PRKN: variants seen among roughly 807,000 people sequenced by gnomAD.
The protein encoded by PRKN is E3 ubiquitin-protein ligase parkin.
In PRKN, 56 loss-of-function variants were observed where a neutral mutation model predicts 59.5. The ratio of observed to expected loss-of-function variants is 0.94; its 90% CI spans 0.76 to 1.18. The LOEUF (loss-of-function observed/expected upper bound fraction) is 1.18, where lower values mean the gene tolerates loss of function less well. PRKN is among the 50% of genes most tolerant of loss of function. The probability of loss-of-function intolerance (pLI) is 0.00; values close to 1 mark genes in which losing one functional copy is unlikely to be tolerated. For synonymous variants in PRKN, 250 were observed against 222.1 expected, an observed-to-expected ratio of 1.13 and a Z score of -1.12; for missense variants, 657 against 596.4, an observed-to-expected ratio of 1.10 and a Z score of -1.06.
intron 2 of PRKN, among the ~76,000 whole-genome samples, chr6:162,279,987 C>T (rs1383505344): frequency 5.3e-5 from 8 of 151,974 alleles, no homozygotes; most frequent in African/African-American, 1.9e-4. Context: ...AGACTAAGAT[C>T]GCAAACTCTC....
chr6:161,433,284 G>C (rs777575992), intron 9 of PRKN, among the ~76,000 whole-genome samples: 1 of 152,100 alleles, frequency 6.6e-6, no homozygotes, highest in Non-Finnish European at 1.5e-5. Flanking sequence ...GTATGCGTCC[G>C]CGGCATCTCA....
At chr6:162,661,904 CT>C (rs555242091) in intron 1 of PRKN, among the ~76,000 whole-genome samples, 5 of 152,076 alleles carry the variant, frequency 3.3e-5, no homozygotes, top group Admixed American at 6.6e-5. Context: ...GAAGTCTGGG[CT>C]TTTGATGTAT....
In PRKN at chr6:161,480,357, T is replaced by C. The variant is rs1273546838; in HGVS notation, c.1083+68497A>G. ...CTGTGAGTATGGGGCCCTGTGTGAC[T>C]GTACAGGTCGCACACTCCAAGCTGG... On this transcript the variant is annotated intron_variant, in intron 9 of 11. Transcript: ENST00000366898. The surrounding 1 kb of genome is among the most constrained non-coding windows in gnomAD (Gnocchi z 4.1). Among the ~76,000 whole-genome samples, 1 of 152,188 alleles carries C rather than the reference T, an allele frequency of 6.6e-6. No individual in the cohort carries two copies. Among genetic ancestry groups the C allele is most frequent in the East Asian group, 1.9e-4 (1 of 5,190 alleles).
intron 1 of PRKN, among the ~76,000 whole-genome samples, chr6:162,554,804 T>G (rs920208609): frequency 1.3e-5 from 2 of 152,178 alleles, no homozygotes; most frequent in African/African-American, 4.8e-5. Context: ...CAAGGCCAGG[T>G]CACCACAGAA....
In PRKN at chr6:161,525,322, C is replaced by G. The variant is rs143512045; in HGVS notation, c.1083+23532G>C. 7.0e-4 allele frequency among the ~76,000 whole-genome samples: 107 copies of G among 152,302 alleles called. 1 individual carries two copies. Among genetic ancestry groups the G allele is most frequent in the African/African-American group, 2.5e-3 (104 of 41,564 alleles). On this transcript the variant is annotated intron_variant, in intron 9 of 11. Transcript: ENST00000366898. This position sits in a 1 kb window ranked among gnomAD's most constrained non-coding sequence, Gnocchi z 4.7. ...AGTGTCACCTGTCCTGTTCCTGGGC[C>G]TGGAGATGAGGGTCCACCTCTCCCA...
intron 6 of PRKN, among the ~76,000 whole-genome samples, chr6:161,903,412 T>C (rs1778011109): frequency 6.6e-6 from 1 of 152,150 alleles, no homozygotes; most frequent in Non-Finnish European, 1.5e-5. Flanking sequence ...GATGAATATG[T>C]CTTGACCAAG....
intron 1 of PRKN, among the ~76,000 whole-genome samples, chr6:162,716,370 T>C (rs921353575): frequency 2.6e-5 from 4 of 152,222 alleles, no homozygotes; most frequent in African/African-American, 4.8e-5. Flanking sequence ...TTTAAAATTC[T>C]AACTGTATAA....
chr6:162,319,694 T>C (rs1026836120), intron 2 of PRKN, among the ~76,000 whole-genome samples: 1 of 151,972 alleles, frequency 6.6e-6, no homozygotes, highest in African/African-American at 2.4e-5. Context: ...CTCTTTAGCA[T>C]CCAATTCCAA....
chr6:162,338,412 G>T (rs574733436), intron 2 of PRKN, among the ~76,000 whole-genome samples: 1 of 152,112 alleles, frequency 6.6e-6, no homozygotes, highest in Admixed American at 6.5e-5. Flanking sequence ...GCAGGCACGC[G>T]CCGCCATGCC....
At chr6:161,936,231 A>G (rs1366240658) in intron 6 of PRKN, among the ~76,000 whole-genome samples, 3 of 147,230 alleles carry the variant, frequency 2.0e-5, no homozygotes, top group African/African-American at 7.6e-5. Context: ...TTTTTTTGAG[A>G]CAGAGTCTCG....
At chr6:162,221,979 C>T (rs550894858) in intron 3 of PRKN, among the ~76,000 whole-genome samples, 1 of 152,026 alleles carries the variant, frequency 6.6e-6, no homozygotes, top group Non-Finnish European at 1.5e-5. Context: ...TCTAAGATGA[C>T]GTACCAGTTG....
At chr6:162,279,340 CA>C (rs112176570) in intron 2 of PRKN, among the ~76,000 whole-genome samples, 1 of 91,132 alleles carries the variant, frequency 1.1e-5, no homozygotes, top group African/African-American at 4.2e-5. Flanking sequence ...TCCATTAAAA[CA>C]AAAAAAAGAA....
chr6:161,906,808 A>G (rs573295522), intron 6 of PRKN, among the ~76,000 whole-genome samples: 8 of 151,884 alleles, frequency 5.3e-5, no homozygotes, highest in Non-Finnish European at 1.0e-4. Flanking sequence ...TTAAGGTCCA[A>G]AAGCCCCGAA....
At chr6:162,563,172 T>A (rs576696184) in intron 1 of PRKN, among the ~76,000 whole-genome samples, 1 of 151,942 alleles carries the variant, frequency 6.6e-6, no homozygotes, top group African/African-American at 2.4e-5. Flanking sequence ...GACGTAGTGG[T>A]GGGCGCCTGT....
rs114297089 is a variant in PRKN, at chr6:161,715,688, A to G, written c.871+70084T>C. ...GCCCCAGTTTCCATCCAGTTGAGTT[A>G]GGATGTTGCTCAGTTAAATCTCAGC... On this transcript the variant is annotated intron_variant, in intron 7 of 11. Coordinates refer to ENST00000366898, the MANE Select transcript of PRKN (RefSeq NM_004562.3). Among the ~76,000 whole-genome samples, 215 of 152,278 alleles carry G rather than the reference A, an allele frequency of 1.4e-3. 2 individuals carry two copies. The highest frequency in any genetic ancestry group is 5.1e-3 in the African/African-American group (211 of 41,554).
At position 161,545,359 on chromosome 6, in the gene PRKN, T is replaced by C. The variant is rs896704238; in HGVS notation, c.1083+3495A>G. The stretch of plus-strand genomic sequence containing the variant: ...AATTCTTCTATAGCTTTGCTACCAA[T>C]GACTTTTCCTTGAACGATGTATTGA... On this transcript the variant is annotated intron_variant, in intron 9 of 11. Transcript: ENST00000366898. This position sits in a 1 kb window ranked among gnomAD's most constrained non-coding sequence, Gnocchi z 4.1. 6.2e-7 allele frequency: 1 copy of C among 1,610,658 alleles called. No individual in the cohort carries two copies. The highest frequency in any genetic ancestry group is 1.1e-5 in the South Asian group (1 of 90,516).
At chr6:162,066,959 T>C (rs1778365155) in intron 4 of PRKN, among the ~76,000 whole-genome samples, 1 of 152,214 alleles carries the variant, frequency 6.6e-6, no homozygotes, top group South Asian at 2.1e-4. Context: ...GAAAAATGAC[T>C]CTACCTCCCA....
chr6:162,697,971 G>C (rs1778026230), intron 1 of PRKN, among the ~76,000 whole-genome samples: 1 of 152,164 alleles, frequency 6.6e-6, no homozygotes, highest in Admixed American at 6.5e-5. Context: ...AGAAATGACA[G>C]AATATACACC....
intron 1 of PRKN, among the ~76,000 whole-genome samples, chr6:162,680,550 T>C (rs1449462767): frequency 6.6e-6 from 1 of 152,066 alleles, no homozygotes; most frequent in Non-Finnish European, 1.5e-5. Flanking sequence ...AGCTTATCTT[T>C]TAGAGGTACC....
Sources: gnomAD v4.1 joint callset for allele counts (sites outside exome capture counted in the v4.1 genomes callset) on GRCh38, gnomAD v4.1.1 for gene constraint, Gnocchi (gnomAD v3.1) non-coding constraint, MANE v1.5 for transcripts, NCBI Gene and HGNC (gene_info 2026-07-23, HGNC 2026-07-21) for gene names.